Variants in NRG2 observed in about 807,000 individuals in gnomAD.
The protein encoded by NRG2 is neuregulin 2.
A neutral mutation model predicts 73.9 loss-of-function variants in NRG2; 27 were observed. That is an observed-to-expected ratio of 0.37 (90% CI 0.27 to 0.50). The LOEUF is 0.50. Ranked by LOEUF, NRG2 falls within the 20% of genes least tolerant of loss-of-function variation. The pLI is 0.96. For synonymous variants in NRG2, 532 were observed against 541.0 expected (o/e 0.98, Z 0.23); for missense variants, 1,126 against 1,210.1 (o/e 0.93, Z 1.03).
At chr5:140,014,114 TA>T (rs1759585785) in intron 1 of NRG2, among the ~76,000 whole-genome samples, 1 of 152,138 alleles carries the variant, frequency 6.6e-6, no homozygotes, top group South Asian at 2.1e-4. Context: ...ACTCTCCACT[TA>T]ACACATCCAC....
At chr5:139,884,934 G>A (rs888264842) in intron 2 of NRG2, among the ~76,000 whole-genome samples, 2 of 152,150 alleles carry the variant, frequency 1.3e-5, no homozygotes, top group African/African-American at 4.8e-5. Context: ...CGACCCCCTG[G>A]GCAGACGACA....
intron 1 of NRG2, among the ~76,000 whole-genome samples, chr5:139,962,409 G>C (rs1347533241): frequency 1.3e-5 from 2 of 152,240 alleles, no homozygotes; most frequent in Admixed American, 1.3e-4. Context: ...TTTGCTTGGA[G>C]AAGACTGAGG....
intron 1 of NRG2, among the ~76,000 whole-genome samples, chr5:140,029,643 G>A (rs1235636291): frequency 5.1e-5 from 7 of 138,240 alleles, no homozygotes; most frequent in African/African-American, 8.1e-5. Flanking sequence ...AGCTGAGATC[G>A]TACCACTGCA....
intron 1 of NRG2, among the ~76,000 whole-genome samples, chr5:139,958,097 C>T (rs1174704704): frequency 6.6e-6 from 1 of 152,116 alleles, no homozygotes; most frequent in Non-Finnish European, 1.5e-5. Flanking sequence ...CTTTCACAAG[C>T]CCATTCAATT....
At chr5:139,941,245 A>C (rs1460027461) in intron 1 of NRG2, among the ~76,000 whole-genome samples, 1 of 152,244 alleles carries the variant, frequency 6.6e-6, no homozygotes, top group African/African-American at 2.4e-5. Context: ...GCAAAAAATC[A>C]AACATTTTTT....
At chr5:139,957,473 GAGA>G (rs1282775868) in intron 1 of NRG2, among the ~76,000 whole-genome samples, 1 of 152,200 alleles carries the variant, frequency 6.6e-6, no homozygotes, top group African/African-American at 2.4e-5. Flanking sequence ...CTGGGAAGGA[GAGA>G]AGGAGAGGTC....
Position 139,957,294 on chromosome 5 carries a change from C to A in NRG2, c.701-69783G>T, listed in dbSNP as rs947416191. On this transcript the variant is annotated intron_variant, in intron 1 of 9. Coordinates refer to ENST00000361474, the MANE Select transcript of NRG2 (RefSeq NM_004883.3). ...GGGAACTAGCTGGTCACCATCCCCC[C>A]ACTCAAGAATCTCTGTGTGTGTGTG... Among the ~76,000 whole-genome samples the A allele has an allele frequency of 5.4e-5, 8 of 149,406 alleles. No individual in the cohort carries two copies. In the South Asian group the frequency reaches 8.6e-4, roughly 16 times the overall value.
intron 2 of NRG2, among the ~76,000 whole-genome samples, chr5:139,883,920 C>A (rs1028218402): frequency 2.0e-5 from 3 of 152,154 alleles, no homozygotes; most frequent in Admixed American, 6.5e-5. Flanking sequence ...CCATAATACC[C>A]AGGAGGAGAA....
In NRG2 at chr5:140,042,993, C is replaced by T; in HGVS notation, c.77G>A (p.Ser26Asn). ...GCTGCTCCTCTCGCTGCTGCTGCTG[C>T]TGCTGTCGCTGTAGCTGCTGCACCG... ...KGRCSSYSDS[S>N]SSSSERSSSS... is the part of the protein sequence containing the mutation. Residue 26 changes from serine to asparagine, a missense_variant, in exon 1 of 10, where the codon AGC (serine) becomes AAC (asparagine). Physicochemically the swap from Ser to Asn is conservative, Grantham distance 46. Around this residue, in one of 3 missense-constraint regions of NRG2, gnomAD observed 185 missense variants for 149.0 expected, o/e 1.24. Coordinates refer to ENST00000361474, the MANE Select transcript of NRG2 (RefSeq NM_004883.3). The T allele has an allele frequency of 1.9e-6, 3 of 1,561,658 alleles. No individual in the cohort carries two copies. The South Asian group carries it at 3.5e-5, about 18-fold the overall frequency.
In NRG2 at chr5:139,851,649, T is replaced by C. The variant is rs1761431048; in HGVS notation, c.1727A>G (p.Tyr576Cys). ...EERRRATAPPYHDSVDSLRDS... is the reference protein window; with the variant it reads ...EERRRATAPPCHDSVDSLRDS... ...GCGAAGGGAGTCCACGGAATCGTGA[T>C]AGGGTGGCGCGGTGGCCCTGCGCCG... Residue 576 changes from tyrosine to cysteine, a missense_variant, in exon 9 of 10, where the codon TAT (tyrosine) becomes TGT (cysteine). Tyr to Cys is a radical substitution (Grantham distance 194). Transcript: ENST00000361474. The surrounding 1 kb of genome is among the most constrained non-coding windows in gnomAD (Gnocchi z 4.2). The C allele has an allele frequency of 6.2e-7, 1 of 1,614,138 alleles. No homozygotes were observed. The highest frequency in any genetic ancestry group is 1.1e-5 in the South Asian group (1 of 91,076).
In NRG2 at chr5:139,882,809, C is replaced by G. The variant is rs559276397; in HGVS notation, c.873-1835G>C. Among the ~76,000 whole-genome samples the G allele has an allele frequency of 2.5e-4, 38 of 152,170 alleles. No individual in the cohort carries two copies. The South Asian group carries it at 7.5e-3, about 30-fold the overall frequency. On this transcript the variant is annotated intron_variant, in intron 2 of 9. Transcript: ENST00000361474. ...TTATACAGCATCATATGTAGCAGGA[C>G]GTGGCAGAATGTTAAGGAAGGATTC...
At chr5:139,963,420 G>T (rs555617547) in intron 1 of NRG2, among the ~76,000 whole-genome samples, 1 of 152,324 alleles carries the variant, frequency 6.6e-6, no homozygotes, top group East Asian at 1.9e-4. Context: ...TCTCAACCAG[G>T]TTGGCATCTG....
At chr5:139,979,438 C>T (rs1756626514) in intron 1 of NRG2, among the ~76,000 whole-genome samples, 4 of 152,142 alleles carry the variant, frequency 2.6e-5, no homozygotes, top group African/African-American at 4.8e-5. Flanking sequence ...GAGACGTGGT[C>T]GGCAGCCTCT....
chr5:140,026,633 G>GAA (rs1257790451), intron 1 of NRG2, among the ~76,000 whole-genome samples: 1 of 151,960 alleles, frequency 6.6e-6, no homozygotes, highest in Admixed American at 6.6e-5. Flanking sequence ...GAAAAGAAAA[G>GAA]AAAAGAAAGA....
chr5:139,877,678 T>A (rs1412847155), intron 3 of NRG2, among the ~76,000 whole-genome samples: 1 of 152,226 alleles, frequency 6.6e-6, no homozygotes, highest in Non-Finnish European at 1.5e-5. Flanking sequence ...GTGTGGTATG[T>A]GTTTGTGTGT....
At chr5:139,987,486 G>A (rs1379369213) in intron 1 of NRG2, among the ~76,000 whole-genome samples, 2 of 152,082 alleles carry the variant, frequency 1.3e-5, no homozygotes, top group Non-Finnish European at 2.9e-5. Context: ...CAGGAAGCAG[G>A]GAAGTAAATG....
At chr5:140,004,664 G>A (rs1243591122) in intron 1 of NRG2, among the ~76,000 whole-genome samples, 1 of 152,204 alleles carries the variant, frequency 6.6e-6, no homozygotes, top group Non-Finnish European at 1.5e-5. Context: ...CAAGATCATG[G>A]AAGGCAGGGA....
chr5:139,988,118 T>C (rs1757314413), intron 1 of NRG2, among the ~76,000 whole-genome samples: 1 of 152,028 alleles, frequency 6.6e-6, no homozygotes, highest in Admixed American at 6.6e-5. Context: ...ACATATCTAT[T>C]AGAATGGCCA....
At chr5:139,956,363 C>G (rs7736276) in intron 1 of NRG2, among the ~76,000 whole-genome samples, 3 of 151,052 alleles carry the variant, frequency 2.0e-5, no homozygotes, top group African/African-American at 7.3e-5. Context: ...AATCTCCCCC[C>G]TCTCTGACTT....
Sources: gnomAD v4.1 joint callset for allele counts (sites outside exome capture counted in the v4.1 genomes callset) on GRCh38, gnomAD v4.1.1 for gene constraint, gnomAD v4.1.1 regional missense constraint, Gnocchi (gnomAD v3.1) non-coding constraint, MANE v1.5 for transcripts, NCBI Gene and HGNC (gene_info 2026-07-23, HGNC 2026-07-21) for gene names.